The following GPLD1 variants were observed in gnomAD, a reference collection of about 807,000 sequenced individuals.
The protein encoded by GPLD1 is glycosylphosphatidylinositol specific phospholipase D1.
Under a neutral mutation model 112.6 loss-of-function variants are expected in GPLD1, and 84 were observed. The observed-to-expected ratio is 0.75, with a 90% CI of 0.63 to 0.89. The LOEUF is 0.89. Among genes scored for constraint, GPLD1 ranks in the 40% least tolerant of loss-of-function variants. The pLI is 0.00. For synonymous variants in GPLD1, 386 were observed against 403.8 expected (o/e 0.96, Z 0.53); for missense variants, 1,044 against 1,051.5 (o/e 0.99, Z 0.10).
At chr6:24,470,835 G>A (rs1763792494) in intron 7 of GPLD1, among the ~76,000 whole-genome samples, 1 of 152,130 alleles carries the variant, frequency 6.6e-6, no homozygotes, top group South Asian at 2.1e-4. Context: ...CTGACCTCAG[G>A]TGATTCACCT....
Position 24,445,815 on chromosome 6 carries a change from G to C in GPLD1, c.1837C>G (p.His613Asp). 1.9e-6 allele frequency: 3 copies of C among 1,612,564 alleles called. No homozygotes were observed. The highest frequency in any genetic ancestry group is 1.3e-5 in the African/African-American group (1 of 74,930). The change falls in exon 19 of 25, where the codon CAC becomes GAC. Residue 613 changes from histidine to aspartate, a missense_variant. Coordinates refer to ENST00000230036, the MANE Select transcript of GPLD1 (RefSeq NM_001503.4). ...KNASRLGHLL[H>D]IRDEKKSLGR... is the part of the protein sequence containing the mutation. ...AGGCTCTTTTTCTCATCTCGGATGT[G>C]TAACAAATGGCCCAGCCTAGAATGA...
intron 20 of GPLD1, among the ~76,000 whole-genome samples, chr6:24,437,564 C>T (rs565718142): frequency 1.2e-3 from 181 of 150,514 alleles, no homozygotes; most frequent in Middle Eastern, 0.01. Flanking sequence ...TTTATTTTCT[C>T]GTATCACAAA....
chr6:24,478,372 A>T (rs1764091650), intron 3 of GPLD1, among the ~76,000 whole-genome samples: 1 of 152,184 alleles, frequency 6.6e-6, no homozygotes, highest in Non-Finnish European at 1.5e-5. Context: ...TTCTAACTGC[A>T]GGAGTGATTA....
At position 24,495,203 on chromosome 6, in the gene GPLD1, G is replaced by T; in HGVS notation, n.3C>A. The T allele has an allele frequency of 6.6e-7, 1 of 1,506,782 alleles. No homozygotes were observed. The highest frequency in any genetic ancestry group is 8.8e-7 in the Non-Finnish European group (1 of 1,135,590). The allele number at this position is 1,506,782 out of a possible 1,614,324, so 93.3% of individuals were successfully genotyped here. A position where few individuals can be genotyped will look rare whatever the true frequency, so the allele number is the denominator to read the frequency against. ...CCGACAGCTTCGTGGGCGGCCGCTG[G>T]CTCCCGGCCGCCGCCACCTTCCCCG... On this transcript the variant is annotated non_coding_transcript_exon_variant, in exon 1 of 11. Coordinates refer to the GPLD1 transcript ENST00000474784.
At chr6:24,477,637 G>A (rs1271992478) in intron 3 of GPLD1, among the ~76,000 whole-genome samples, 2 of 152,108 alleles carry the variant, frequency 1.3e-5, no homozygotes, top group Admixed American at 6.5e-5. Flanking sequence ...GGCTGAGGCA[G>A]GAGGGTTGCT....
rs189507612 is a variant in GPLD1, at chr6:24,455,955, G to A, written c.1148+543C>T. On this transcript the variant is annotated intron_variant, in intron 13 of 24. Transcript: ENST00000230036. Reference sequence around the variant, plus strand: ...TTTGGGGGGCTGAGGCAGGTGGATCGCTTGAGCCCAGGAGTTTGAGACCAG... The same window carrying A: ...TTTGGGGGGCTGAGGCAGGTGGATCACTTGAGCCCAGGAGTTTGAGACCAG... 3.7e-3 allele frequency among the ~76,000 whole-genome samples: 561 copies of A among 152,154 alleles called. 2 individuals are homozygous for A. The highest frequency in any genetic ancestry group is 0.013 in the African/African-American group (524 of 41,498).
intron 14 of GPLD1, among the ~76,000 whole-genome samples, chr6:24,450,282 C>A (rs1376936317): frequency 2.0e-5 from 3 of 152,142 alleles, no homozygotes; most frequent in African/African-American, 7.2e-5. Context: ...GAGGCCTGAA[C>A]CTGAGGTCAG....
At chr6:24,453,869 A>G in intron 14 of GPLD1, 146 bp downstream of exon 14, 1 of 614,172 alleles carries the variant, frequency 1.6e-6, no homozygotes, top group Non-Finnish European at 2.9e-6. Flanking sequence ...TGCTTCTAAA[A>G]CTAAAAAGTG....
chr6:24,436,459 T>C, intron 22 of GPLD1, 117 bp downstream of exon 22: 2 of 822,244 alleles, frequency 2.4e-6, no homozygotes, highest in Non-Finnish European at 4.0e-6. Context: ...GATGATGGTG[T>C]CCTGACCCTA....
chr6:24,442,111 CTTATTTTCTATTA>C (rs1762766999), intron 20 of GPLD1, among the ~76,000 whole-genome samples: 2 of 149,874 alleles, frequency 1.3e-5, no homozygotes, highest in African/African-American at 4.9e-5. Context: ...TATAATTAAA[CTTATTTTCTATTA>C]TTATTTATCT....
Position 24,433,484 on chromosome 6 carries a change from CTTTTTTT to C in GPLD1, c.2359-102_2359-96del, listed in dbSNP as rs58008688. On this transcript the variant is annotated intron_variant, in intron 22 of 24. Coordinates refer to ENST00000230036, the MANE Select transcript of GPLD1 (RefSeq NM_001503.4). ...TTATACCCTTATACCCTCATTTCTACTTTTTTTTTTTTTTTTTTTTTTTTTTGAGAAG... is the reference window on the plus strand; with the variant it reads ...TTATACCCTTATACCCTCATTTCTACTTTTTTTTTTTTTTTTTTTGAGAAG... 9.7e-3 allele frequency: 4,215 copies of C among 434,090 alleles called. 3 individuals are homozygous for C. The highest frequency in any genetic ancestry group is 0.012 in the South Asian group (495 of 39,752). 26.9% of individuals were successfully genotyped at this position (434,090 alleles called of 1,614,324 possible).
upstream of GPLD1, among the ~76,000 whole-genome samples, chr6:24,490,623 G>A (rs1161318241): frequency 2.6e-5 from 4 of 151,942 alleles, no homozygotes; most frequent in Non-Finnish European, 5.9e-5. Flanking sequence ...GTGGTGGCAC[G>A]TGACTGTAGT....
At chr6:24,442,481 G>T (rs1762780009) in intron 20 of GPLD1, among the ~76,000 whole-genome samples, 1 of 119,134 alleles carries the variant, frequency 8.4e-6, no homozygotes, top group Admixed American at 1.1e-4. Flanking sequence ...ATTTCACTCT[G>T]TCACCCAGGC....
chr6:24,469,399 C>G lies in GPLD1; in HGVS notation c.546-2125G>C, dbSNP rs532702889. On this transcript the variant is annotated intron_variant, in intron 7 of 24. Coordinates refer to ENST00000230036, the MANE Select transcript of GPLD1 (RefSeq NM_001503.4). The stretch of plus-strand genomic sequence containing the variant: ...AACCCCAATGTCCAACAATGATAGA[C>G]TGGATTAAGAAAATGTGGCACATAT... Among the ~76,000 whole-genome samples, 3 of 121,652 alleles carry G rather than the reference C, an allele frequency of 2.5e-5. No individual in the cohort carries two copies. In the Admixed American group the frequency reaches 2.8e-4, roughly 12 times the overall value. 79.8% of individuals were successfully genotyped at this position (121,652 alleles called of 152,430 possible).
rs557127362 is a variant in GPLD1 at position 24,435,824 on chromosome 6, C to CAAAAAAAAAAAAAAAAAAAAAAAACAAAA, written c.2358+751_2358+752insTTTTGTTTTTTTTTTTTTTTTTTTTTTTT. 6.1e-5 allele frequency: 2 copies of CAAAAAAAAAAAAAAAAAAAAAAAACAAAA among 32,898 alleles called. 1 individual carries two copies. The highest frequency in any genetic ancestry group is 1.3e-4 in the Non-Finnish European group (2 of 15,072). 2.0% of individuals were successfully genotyped at this position (32,898 alleles called of 1,614,324 possible). ...TGGGCAATAGAGCCAGACGCTGTCT[C>CAAAAAAAAAAAAAAAAAAAAAAAACAAAA]AAAAAAAAAAAAAAAAAAAAAAAGT... On this transcript the variant is annotated intron_variant, in intron 22 of 24. Transcript: ENST00000230036.
intron 24 of GPLD1, among the ~76,000 whole-genome samples, chr6:24,431,519 A>G (rs1762403051): frequency 6.6e-6 from 1 of 150,734 alleles, no homozygotes; most frequent in African/African-American, 2.4e-5. Flanking sequence ...GTTTACAGGT[A>G]TATTTTAAGG....
At chr6:24,435,797 C>A (rs1216292798) in intron 22 of GPLD1, 2 of 117,920 alleles carry the variant, frequency 1.7e-5, no homozygotes, top group Non-Finnish European at 3.4e-5. Context: ...TGCACTCCAG[C>A]CTGGGCAATA....
At chr6:24,491,780 A>G (rs1455652486), upstream of GPLD1, among the ~76,000 whole-genome samples, 2 of 152,056 alleles carry the variant, frequency 1.3e-5, no homozygotes, top group East Asian at 3.8e-4. Context: ...ATTTTTTTGT[A>G]TTTGAGATTC....
intron 1 of GPLD1, among the ~76,000 whole-genome samples, chr6:24,487,461 T>C (rs1764416455): frequency 6.6e-6 from 1 of 152,212 alleles, no homozygotes; most frequent in Non-Finnish European, 1.5e-5. Flanking sequence ...CTTTGTTTGG[T>C]ACTTAATGAA....
Sources: gnomAD v4.1 joint callset for allele counts (sites outside exome capture counted in the v4.1 genomes callset) on GRCh38, gnomAD v4.1.1 for gene constraint, MANE v1.5 for transcripts, NCBI Gene and HGNC (gene_info 2026-07-23, HGNC 2026-07-21) for gene names.